SAXO1: variants seen among roughly 807,000 people sequenced by gnomAD.
SAXO1 encodes stabilizer of axonemal microtubules 1.
In SAXO1, 21 loss-of-function variants were observed where a neutral mutation model predicts 17.5. That is an observed-to-expected ratio of 1.20 (90% CI 0.85 to 1.72). The LOEUF is 1.72. Ranked by LOEUF, SAXO1 falls within the 40% of genes most tolerant of loss-of-function variation. SAXO1 has a pLI of 0.00. For synonymous variants in SAXO1, 274 were observed against 216.5 expected (o/e 1.27, Z -2.33); for missense variants, 843 against 596.0 (o/e 1.41, Z -4.32).
At chr9:19,041,819 A>G (rs1836085948) in intron 1 of SAXO1, among the ~76,000 whole-genome samples, 1 of 152,176 alleles carries the variant, frequency 6.6e-6, no homozygotes, top group African/African-American at 2.4e-5. Context: ...ACTTAAATCT[A>G]AGACCTCAAA....
Position 18,928,040 on chromosome 9 carries a change from TA to T in SAXO1, c.*11del. ...AAGTACTGTGTAATTTCTAAATTAC[TA>T]TTTTTCAAAATCAGGCTAACACTTC... On this transcript the variant is annotated 3_prime_UTR_variant, in exon 4 of 4. Coordinates refer to ENST00000380534, the MANE Select transcript of SAXO1 (RefSeq NM_153707.4). The T allele has an allele frequency of 6.4e-7, 1 of 1,550,760 alleles. No individual in the cohort carries two copies. Among genetic ancestry groups the T allele is most frequent in the Non-Finnish European group, 8.7e-7 (1 of 1,145,866 alleles).
chr9:19,023,542 G>C (rs1835338225), intron 1 of SAXO1, among the ~76,000 whole-genome samples: 1 of 152,140 alleles, frequency 6.6e-6, no homozygotes, highest in Non-Finnish European at 1.5e-5. Context: ...GCTGGGATTT[G>C]AACCAAGATA....
chr9:18,940,871 A>G (rs1831523124), intron 3 of SAXO1, among the ~76,000 whole-genome samples: 1 of 152,224 alleles, frequency 6.6e-6, no homozygotes, highest in Non-Finnish European at 1.5e-5. Context: ...GATACTCAAT[A>G]AAGAAAGAAG....
intron 2 of SAXO1, among the ~76,000 whole-genome samples, chr9:18,949,215 T>G (rs1255042012): frequency 1.3e-5 from 2 of 152,222 alleles, no homozygotes; most frequent in Non-Finnish European, 2.9e-5. Context: ...ACACTGCACT[T>G]AAACCAAATC....
chr9:18,999,044 C>T (rs1202573893), intron 1 of SAXO1, among the ~76,000 whole-genome samples: 1 of 152,222 alleles, frequency 6.6e-6, no homozygotes, highest in Non-Finnish European at 1.5e-5. Flanking sequence ...GAAACTGCAT[C>T]AATTAATGTG....
At chr9:19,029,400 C>G (rs1027659814) in intron 1 of SAXO1, among the ~76,000 whole-genome samples, 7 of 152,218 alleles carry the variant, frequency 4.6e-5, no homozygotes, top group Non-Finnish European at 8.8e-5. Context: ...CGGTCTCCCC[C>G]TCCCACTCAA....
chr9:19,043,755 A>G (rs1222219638), intron 1 of SAXO1, among the ~76,000 whole-genome samples: 1 of 151,482 alleles, frequency 6.6e-6, no homozygotes, highest in African/African-American at 2.4e-5. Flanking sequence ...GCCACAGAGT[A>G]AGACCCTGTC....
At chr9:18,932,692 A>C (rs1588397009) in intron 3 of SAXO1, among the ~76,000 whole-genome samples, 1 of 152,208 alleles carries the variant, frequency 6.6e-6, no homozygotes, top group African/African-American at 2.4e-5. Context: ...ATTTTTGTTC[A>C]GATTTTAATT....
intron 1 of SAXO1, among the ~76,000 whole-genome samples, chr9:19,007,030 G>T (rs2130975918): frequency 6.8e-6 from 1 of 148,088 alleles, no homozygotes; most frequent in Non-Finnish European, 1.5e-5. Context: ...GGGTAACACA[G>T]TGAGACTCCA....
At chr9:18,997,850 A>C (rs1167137249) in intron 1 of SAXO1, among the ~76,000 whole-genome samples, 2 of 152,248 alleles carry the variant, frequency 1.3e-5, no homozygotes, top group Non-Finnish European at 2.9e-5. Flanking sequence ...GACTTCCAGC[A>C]AACTCCAACA....
chr9:19,002,244 G>T (rs1834305143), intron 1 of SAXO1, among the ~76,000 whole-genome samples: 2 of 151,918 alleles, frequency 1.3e-5, no homozygotes, highest in African/African-American at 4.8e-5. Context: ...TGAAATTGAG[G>T]CAGTAATAGC....
chr9:19,017,834 A>G (rs1404385456), intron 1 of SAXO1, among the ~76,000 whole-genome samples: 1 of 152,210 alleles, frequency 6.6e-6, no homozygotes, highest in Non-Finnish European at 1.5e-5. Flanking sequence ...TCCACATGTG[A>G]TGATTTCAGG....
intron 1 of SAXO1, among the ~76,000 whole-genome samples, chr9:19,017,513 G>A (rs1424412104): frequency 2.0e-5 from 3 of 152,236 alleles, no homozygotes; most frequent in African/African-American, 7.2e-5. Flanking sequence ...CTGCACCAGA[G>A]CAGGCCTTAG....
At chr9:18,938,222 T>C (rs1026138901) in intron 3 of SAXO1, among the ~76,000 whole-genome samples, 1 of 152,166 alleles carries the variant, frequency 6.6e-6, no homozygotes, top group Non-Finnish European at 1.5e-5. Flanking sequence ...TTTAACTTTG[T>C]CAGTAGGGAA....
chr9:19,048,915 G>C (rs1024194801), intron 1 of SAXO1, among the ~76,000 whole-genome samples: 5 of 152,228 alleles, frequency 3.3e-5, no homozygotes, highest in African/African-American at 1.2e-4. Flanking sequence ...TCTCCTAGGA[G>C]GGACTTGCTA....
intron 1 of SAXO1, among the ~76,000 whole-genome samples, chr9:19,016,606 G>A (rs1158811996): frequency 1.3e-5 from 2 of 152,042 alleles, no homozygotes; most frequent in Non-Finnish European, 2.9e-5. Context: ...CATCCAGTGG[G>A]TAGTGGTCAA....
intron 1 of SAXO1, among the ~76,000 whole-genome samples, chr9:19,001,775 T>C (rs1834280933): frequency 6.6e-6 from 1 of 151,928 alleles, no homozygotes; most frequent in South Asian, 2.1e-4. Context: ...TAACACTAAA[T>C]GCCCATAAGA....
At chr9:18,962,892 G>A (rs969031784) in intron 1 of SAXO1, among the ~76,000 whole-genome samples, 4 of 152,170 alleles carry the variant, frequency 2.6e-5, no homozygotes, top group African/African-American at 9.7e-5. Context: ...GTCCTGAATG[G>A]TATTAGCTAG....
At chr9:18,989,585 T>A (rs1295911136) in intron 1 of SAXO1, among the ~76,000 whole-genome samples, 1 of 151,712 alleles carries the variant, frequency 6.6e-6, no homozygotes, top group East Asian at 1.9e-4. Flanking sequence ...CACACACCCA[T>A]CTCGTGATAC....
Sources: allele counts gnomAD v4.1 joint callset (sites outside exome capture counted in the v4.1 genomes callset), GRCh38; gene constraint gnomAD v4.1.1; transcripts MANE v1.5; gene names NCBI Gene and HGNC (gene_info 2026-07-23, HGNC 2026-07-21).